PLCG2: variants seen among roughly 807,000 people sequenced by gnomAD.
PLCG2 encodes 1-phosphatidylinositol 4,5-bisphosphate phosphodiesterase gamma-2.
PLCG2 carries 69 observed loss-of-function variants against 175.6 expected under a neutral mutation model. The observed-to-expected ratio is 0.39, with a 90% CI of 0.32 to 0.48. The LOEUF is 0.48. PLCG2 is among the 20% of genes least tolerant of loss of function. The probability of loss-of-function intolerance (pLI) is 0.91; values close to 1 mark genes in which losing one functional copy is unlikely to be tolerated. For missense variants in PLCG2, 1,798 were observed against 1,650.9 expected (o/e 1.09, Z -1.54); for synonymous variants, 827 against 624.0 (o/e 1.33, Z -4.85).
intron 2 of PLCG2, among the ~76,000 whole-genome samples, chr16:81,803,433 A>G (rs1019440136): frequency 2.0e-5 from 3 of 152,156 alleles, no homozygotes; most frequent in Admixed American, 6.5e-5. Context: ...TTGCATGGAT[A>G]GACCATATTT....
intron 7 of PLCG2, 133 bp downstream of exon 7, chr16:81,871,068 A>G (rs1217341049): frequency 3.6e-6 from 2 of 556,792 alleles, no homozygotes; most frequent in Non-Finnish European, 3.2e-6. Context: ...AATGAGAATG[A>G]TGAAAGCATA....
At chr16:81,880,996 C>G in intron 8 of PLCG2, 43 bp downstream of exon 8, 1 of 1,595,408 alleles carries the variant, frequency 6.3e-7, no homozygotes, top group Non-Finnish European at 8.6e-7. Flanking sequence ...CTGTGCCGGA[C>G]CTCGGTGCCT....
intron 7 of PLCG2, 101 bp downstream of exon 7, chr16:81,871,036 C>T: frequency 1.7e-6 from 1 of 595,146 alleles, no homozygotes; most frequent in Non-Finnish European, 2.9e-6. Flanking sequence ...TGTTGAATCT[C>T]CATTTTAGTC....
At chr16:81,830,041 C>T (rs191477281) in intron 2 of PLCG2, among the ~76,000 whole-genome samples, 106 of 151,908 alleles carry the variant, frequency 7.0e-4, no homozygotes, top group African/African-American at 6.3e-4. Flanking sequence ...TAATAGTGGC[C>T]GGGTGCAGTG....
chr16:81,776,686 C>T (rs1350778171), upstream of PLCG2, among the ~76,000 whole-genome samples: 1 of 152,188 alleles, frequency 6.6e-6, no homozygotes, highest in African/African-American at 2.4e-5. Context: ...TCGTGAGTAG[C>T]TGACACTACA....
At chr16:81,956,287 T>A (rs1401934183) in intron 31 of PLCG2, among the ~76,000 whole-genome samples, 1 of 152,226 alleles carries the variant, frequency 6.6e-6, no homozygotes, top group African/African-American at 2.4e-5. Context: ...GCCTTTTAGT[T>A]CTCATGTCAT....
intron 1 of PLCG2, among the ~76,000 whole-genome samples, chr16:81,746,394 C>T (rs1369735040): frequency 6.6e-6 from 1 of 152,176 alleles, no homozygotes; most frequent in East Asian, 1.9e-4. Context: ...CAGCGGTGAA[C>T]GCACTGCATT....
chr16:81,863,910 G>A (rs962447457), intron 5 of PLCG2, among the ~76,000 whole-genome samples: 1 of 152,168 alleles, frequency 6.6e-6, no homozygotes, highest in Admixed American at 6.5e-5. Context: ...ATCTCATTCA[G>A]CGTGAATGCA....
At chr16:81,854,633 T>C (rs1906591857) in intron 3 of PLCG2, 46 bp downstream of exon 3, 4 of 1,572,796 alleles carry the variant, frequency 2.5e-6, no homozygotes, top group Admixed American at 1.7e-5. Context: ...TGCCTTAGTG[T>C]CTTCCTGAAG....
chr16:81,907,741 C>T lies in PLCG2; in HGVS notation c.1524C>T (p.Asp508=), dbSNP rs2143649348. ...IADAKLSFSD[D]IEQTMEEEVP... ...ATGCCAAGCTGTCCTTCAGTGATGACATTGAACAGACTATGGAGGAGGAAG... is the reference window on the plus strand; with the variant it reads ...ATGCCAAGCTGTCCTTCAGTGATGATATTGAACAGACTATGGAGGAGGAAG... The change falls in exon 16 of 33, where the codon GAC becomes GAT. Residue 508 remains aspartate, a synonymous_variant. Transcript: ENST00000564138. The T allele has an allele frequency of 5.6e-6, 9 of 1,613,946 alleles. No homozygotes were observed. The highest frequency in any genetic ancestry group is 7.6e-6 in the Non-Finnish European group (9 of 1,179,852).
intron 31 of PLCG2, among the ~76,000 whole-genome samples, chr16:81,955,209 G>C (rs1187085656): frequency 1.3e-5 from 2 of 152,160 alleles, no homozygotes; most frequent in Non-Finnish European, 2.9e-5. Context: ...CACAGTTCCA[G>C]CTGTTACCCT....
At chr16:81,883,432 T>TCGCCTGTGCTCACCTGGC (rs1908192380) in intron 9 of PLCG2, 91 bp downstream of exon 9, 30 of 941,986 alleles carry the variant, frequency 3.2e-5, no homozygotes, top group Non-Finnish European at 5.0e-5. Flanking sequence ...GCTCACCTGG[T>TCGCCTGTGCTCACCTGGC]CACCTGTGCT....
At chr16:81,892,713 C>G (rs966145353) in intron 11 of PLCG2, among the ~76,000 whole-genome samples, 1 of 152,096 alleles carries the variant, frequency 6.6e-6, no homozygotes, top group Non-Finnish European at 1.5e-5. Context: ...AACGGGTCAA[C>G]TTGTGTCATG....
chr16:81,795,721 G>T (rs925763281), intron 2 of PLCG2, among the ~76,000 whole-genome samples: 5 of 151,858 alleles, frequency 3.3e-5, no homozygotes, highest in Admixed American at 3.3e-4. Context: ...CTCCCCAAGA[G>T]ATGGGGTCTT....
chr16:81,769,109 C>G (rs12931598), intron 2 of PLCG2, among the ~76,000 whole-genome samples: 53,105 of 152,094 alleles, frequency 0.35, 9,830 homozygotes, highest in Non-Finnish European at 0.42. Flanking sequence ...TCTATTGAAA[C>G]AGTGCTTAAG....
intron 26 of PLCG2, among the ~76,000 whole-genome samples, chr16:81,935,205 T>C (rs886610767): frequency 4.6e-5 from 7 of 152,120 alleles, no homozygotes; most frequent in Admixed American, 1.3e-4. Context: ...GGGAAAGCCA[T>C]TCCCTTCTTC....
intron 2 of PLCG2, among the ~76,000 whole-genome samples, chr16:81,832,738 G>A (rs557346020): frequency 1.3e-5 from 2 of 152,362 alleles, no homozygotes; most frequent in East Asian, 1.9e-4. Flanking sequence ...TCTGTGAGTG[G>A]TATGATATCC....
chr16:81,884,593 G>A (rs1027409543), intron 9 of PLCG2, among the ~76,000 whole-genome samples: 1 of 114,596 alleles, frequency 8.7e-6, no homozygotes, highest in Non-Finnish European at 1.8e-5. Flanking sequence ...AGAGTCAATT[G>A]TATGGATCTG....
rs775298566 is a variant in PLCG2, at chr16:81,889,213, G to C, written c.807G>C (p.Met269Ile). 6.2e-7 allele frequency: 1 copy of C among 1,606,794 alleles called. No homozygotes were observed. The highest frequency in any genetic ancestry group is 8.5e-7 in the Non-Finnish European group (1 of 1,176,734). ...AQDLNKVRER[M>I]TKFIDDTMRE... is the part of the protein sequence containing the mutation. The stretch of plus-strand genomic sequence containing the variant: ...ATCTGAACAAAGTCCGTGAGCGGAT[G>C]ACAAAGTTCATTGATGACACCATGC... The change falls in exon 10 of 33, where the codon ATG (methionine) becomes ATC (isoleucine). Residue 269 changes from methionine to isoleucine, a missense_variant. Coordinates refer to ENST00000564138, the MANE Select transcript of PLCG2 (RefSeq NM_002661.5).
Sources: allele counts gnomAD v4.1 joint callset (sites outside exome capture counted in the v4.1 genomes callset), GRCh38; gene constraint gnomAD v4.1.1; transcripts MANE v1.5; gene names NCBI Gene and HGNC (gene_info 2026-07-23, HGNC 2026-07-21).